The following SPON1 variants were observed in gnomAD, a reference collection of about 807,000 sequenced individuals.
SPON1 encodes the protein spondin-1.
A neutral mutation model predicts 111.7 loss-of-function variants in SPON1; 52 were observed. That is an observed-to-expected ratio of 0.47 (90% CI 0.37 to 0.59). The LOEUF is 0.59. Among genes scored for constraint, SPON1 ranks in the 20% least tolerant of loss-of-function variants. The pLI, the probability that SPON1 is intolerant of heterozygous loss-of-function variation, is 0.00. For missense variants in SPON1, 957 were observed against 1,068.5 expected (o/e 0.90, Z 1.46); for synonymous variants, 410 against 395.8 (o/e 1.04, Z -0.43).
At chr11:14,018,654 C>T (rs367957932) in intron 2 of SPON1, among the ~76,000 whole-genome samples, 11 of 152,202 alleles carry the variant, frequency 7.2e-5, no homozygotes, top group African/African-American at 2.6e-4. Context: ...GCTGGGAGAA[C>T]AATTTGTGGA....
At chr11:14,174,572 T>C (rs1412746123) in intron 6 of SPON1, among the ~76,000 whole-genome samples, 1 of 151,734 alleles carries the variant, frequency 6.6e-6, no homozygotes, top group Non-Finnish European at 1.5e-5. Flanking sequence ...ATGGGGCCTG[T>C]GGCACCTCCT....
At chr11:14,085,417 T>C (rs1591371434) in intron 5 of SPON1, among the ~76,000 whole-genome samples, 2 of 152,192 alleles carry the variant, frequency 1.3e-5, no homozygotes, top group African/African-American at 4.8e-5. Flanking sequence ...CTTTCCCCAC[T>C]GCTTTTTTTT....
intron 5 of SPON1, among the ~76,000 whole-genome samples, chr11:14,118,420 A>G (rs1202317931): frequency 6.6e-6 from 1 of 152,222 alleles, no homozygotes; most frequent in Non-Finnish European, 1.5e-5. Context: ...TCAGTGCATA[A>G]TAAACCATCA....
intron 3 of SPON1, among the ~76,000 whole-genome samples, chr11:14,057,398 T>C (rs1292961358): frequency 6.6e-6 from 1 of 152,190 alleles, no homozygotes; most frequent in Non-Finnish European, 1.5e-5. Context: ...AGATTCTAGA[T>C]TGAAGGAAAC....
intron 14 of SPON1, chr11:14,262,508 C>T: frequency 1.6e-6 from 1 of 638,346 alleles, no homozygotes; most frequent in Non-Finnish European, 2.7e-6. Context: ...GATGACCTGG[C>T]ACCAATCCTG....
intron 4 of SPON1, among the ~76,000 whole-genome samples, chr11:14,077,542 C>G (rs1394501241): frequency 6.6e-6 from 1 of 151,920 alleles, no homozygotes; most frequent in African/African-American, 2.4e-5. Flanking sequence ...AGGCGATTCT[C>G]CTGCCTCAGC....
chr11:14,168,790 T>C (rs1291049939), intron 6 of SPON1, among the ~76,000 whole-genome samples: 1 of 152,182 alleles, frequency 6.6e-6, no homozygotes, highest in Non-Finnish European at 1.5e-5. Context: ...CTGAGAATGA[T>C]GGTTTCCAGC....
rs375432447 is a variant in SPON1, at chr11:14,101,904, G to C, written c.676+21883G>C. On this transcript the variant is annotated intron_variant, in intron 5 of 15. Transcript: ENST00000576479. ...ATAAAAGTTGCAAGAATAGCACACA[G>C]AACTTCTGATCACCTGTCACCAGAT... Among the ~76,000 whole-genome samples, 11 of 152,270 alleles carry C rather than the reference G, an allele frequency of 7.2e-5. No individual in the cohort carries two copies. In the East Asian group the frequency reaches 1.2e-3, roughly 16 times the overall value.
At chr11:14,071,169 T>C (rs1644209572) in intron 3 of SPON1, among the ~76,000 whole-genome samples, 1 of 152,180 alleles carries the variant, frequency 6.6e-6, no homozygotes, top group Non-Finnish European at 1.5e-5. Flanking sequence ...TTTATAAACC[T>C]CAGCTGAGTT....
chr11:14,174,885 G>A (rs985665534), intron 6 of SPON1, among the ~76,000 whole-genome samples: 2 of 152,084 alleles, frequency 1.3e-5, no homozygotes, highest in Non-Finnish European at 1.5e-5. Flanking sequence ...CATGCCAAGT[G>A]GCCAATATTT....
intron 6 of SPON1, among the ~76,000 whole-genome samples, chr11:14,171,923 A>G (rs1399592444): frequency 6.6e-6 from 1 of 152,170 alleles, no homozygotes; most frequent in Non-Finnish European, 1.5e-5. Context: ...TATGTGGTCA[A>G]TTTTGGAATA....
chr11:14,258,750 C>T (rs1206293495), intron 11 of SPON1, among the ~76,000 whole-genome samples: 4 of 152,144 alleles, frequency 2.6e-5, no homozygotes, highest in Non-Finnish European at 5.9e-5. Context: ...GCTCATTTTG[C>T]CCACAATAAG....
At chr11:14,020,357 T>C (rs1848471877) in intron 2 of SPON1, among the ~76,000 whole-genome samples, 1 of 152,172 alleles carries the variant, frequency 6.6e-6, no homozygotes, top group South Asian at 2.1e-4. Context: ...AATGAGGCTG[T>C]AAAAAGCTGT....
chr11:14,225,210 T>C (rs1260493224), intron 6 of SPON1, among the ~76,000 whole-genome samples: 4 of 152,184 alleles, frequency 2.6e-5, no homozygotes, highest in African/African-American at 9.7e-5. Flanking sequence ...CAGCATGTCT[T>C]TTTTTCTGGC....
intron 1 of SPON1, among the ~76,000 whole-genome samples, chr11:13,978,719 C>A (rs566651499): frequency 5.5e-4 from 84 of 152,234 alleles, no homozygotes; most frequent in African/African-American, 1.9e-3. Context: ...GGAGATTTGG[C>A]TGACTTTTGA....
intron 3 of SPON1, among the ~76,000 whole-genome samples, chr11:14,048,598 G>A (rs1011243734): frequency 6.6e-6 from 1 of 152,132 alleles, no homozygotes; most frequent in Non-Finnish European, 1.5e-5. Context: ...GACTTTCCAG[G>A]CAGCCCTCCT....
At chr11:14,045,056 T>A (rs887569828) in intron 3 of SPON1, among the ~76,000 whole-genome samples, 36 of 152,198 alleles carry the variant, frequency 2.4e-4, no homozygotes, top group African/African-American at 8.7e-4. Flanking sequence ...TGCCAAGAAA[T>A]GGGATCATAA....
chr11:14,103,280 G>A (rs1205086292), intron 5 of SPON1, among the ~76,000 whole-genome samples: 2 of 152,194 alleles, frequency 1.3e-5, no homozygotes, highest in Admixed American at 1.3e-4. Context: ...AGCCCTGCAA[G>A]TCTGGAAACA....
At chr11:14,043,603 A>G (rs1554917546) in intron 3 of SPON1, among the ~76,000 whole-genome samples, 3 of 152,200 alleles carry the variant, frequency 2.0e-5, no homozygotes, top group Non-Finnish European at 4.4e-5. Context: ...TGACAGCCCA[A>G]TGGCTCCACA....
Sources: gnomAD v4.1 joint callset for allele counts (sites outside exome capture counted in the v4.1 genomes callset) on GRCh38, gnomAD v4.1.1 for gene constraint, MANE v1.5 for transcripts, NCBI Gene and HGNC (gene_info 2026-07-23, HGNC 2026-07-21) for gene names.